The following SORL1 variants were observed in gnomAD, a reference collection of about 807,000 sequenced individuals.
SORL1 encodes the protein sortilin-related receptor.
SORL1 carries 127 observed loss-of-function variants against 273.7 expected under a neutral mutation model. The observed-to-expected ratio is 0.46, with a 90% CI of 0.40 to 0.54. The LOEUF (loss-of-function observed/expected upper bound fraction) is 0.54, where lower values mean the gene tolerates loss of function less well. Among genes scored for constraint, SORL1 ranks in the 20% least tolerant of loss-of-function variants. The pLI is 0.00. For missense variants in SORL1, 2,494 were observed against 2,846.1 expected, an observed-to-expected ratio of 0.88 and a Z score of 2.81; for synonymous variants, 1,031 against 1,067.4, an observed-to-expected ratio of 0.97 and a Z score of 0.66.
At chr11:121,585,207 G>A (rs1424700198) in intron 26 of SORL1, among the ~76,000 whole-genome samples, 1 of 152,176 alleles carries the variant, frequency 6.6e-6, no homozygotes, top group Non-Finnish European at 1.5e-5. Context: ...ACTTAGATCA[G>A]GTATGGTGGC....
intron 1 of SORL1, among the ~76,000 whole-genome samples, chr11:121,467,869 A>G (rs1861107711): frequency 6.6e-6 from 1 of 152,182 alleles, no homozygotes; most frequent in Non-Finnish European, 1.5e-5. Flanking sequence ...GGGAATGAGG[A>G]GAGACATTTT....
intron 20 of SORL1, among the ~76,000 whole-genome samples, 194 bp from the exon 21 acceptor site, chr11:121,559,325 A>T (rs1229569265): frequency 6.6e-6 from 1 of 152,132 alleles, no homozygotes; most frequent in Non-Finnish European, 1.5e-5. Context: ...TCTTTTGGGC[A>T]GTTTCTTCTG....
intron 5 of SORL1, among the ~76,000 whole-genome samples, chr11:121,491,812 G>A (rs1490675325): frequency 6.6e-6 from 1 of 152,156 alleles, no homozygotes; most frequent in African/African-American, 2.4e-5. Context: ...GTCAGTTTGA[G>A]TCTATTCAAA....
intron 6 of SORL1, among the ~76,000 whole-genome samples, chr11:121,506,293 T>G (rs554309716): frequency 6.6e-6 from 1 of 152,298 alleles, no homozygotes; most frequent in Admixed American, 6.5e-5. Flanking sequence ...CATGGTGTAT[T>G]AGTCCGTTTT....
At chr11:121,570,696 G>T (rs1199351448) in intron 23 of SORL1, among the ~76,000 whole-genome samples, 2 of 152,146 alleles carry the variant, frequency 1.3e-5, no homozygotes, top group Non-Finnish European at 2.9e-5. Context: ...TACTCCAGTT[G>T]GTTGATGTTG....
rs762107930 is a variant in SORL1, at chr11:121,606,873, G to A, written c.4977G>A (p.Leu1659=). 3 of 1,614,096 alleles carry A rather than the reference G, an allele frequency of 1.9e-6. No individual in the cohort carries two copies. The highest frequency in any genetic ancestry group is 1.3e-5 in the African/African-American group (1 of 75,022). ...GLPDAPRNLQ[L]SLPREAEGVI... ...CAGATGCCCCTCGAAATCTCCAGCT[G>A]TCACTCCCCAGGGAAGCAGAAGGTG... Residue 1659 remains leucine (L), a synonymous_variant, in exon 36 of 48, where the codon CTG becomes CTA. Transcript: ENST00000260197.
intron 45 of SORL1, 77 bp from the exon 46 acceptor site, chr11:121,625,008 A>G (rs1863774176): frequency 4.6e-6 from 5 of 1,095,042 alleles, no homozygotes; most frequent in African/African-American, 1.6e-5. Context: ...AGGAGCTCAC[A>G]TAAAGATGGA....
At chr11:121,577,504 G>T in intron 25 of SORL1, 104 bp downstream of exon 25, 1 of 1,285,542 alleles carries the variant, frequency 7.8e-7, no homozygotes. Context: ...AATTAGCTTG[G>T]ACCTTAGAAA....
chr11:121,544,974 T>C (rs1862403576), intron 13 of SORL1, among the ~76,000 whole-genome samples: 1 of 152,260 alleles, frequency 6.6e-6, no homozygotes, highest in Non-Finnish European at 1.5e-5. Flanking sequence ...CACTGCTGAC[T>C]CTTCTGTAAT....
At chr11:121,612,021 A>C (rs926587627) in intron 39 of SORL1, 1 of 152,542 alleles carries the variant, frequency 6.6e-6, no homozygotes, top group South Asian at 2.1e-4. Flanking sequence ...CATGCCTGTA[A>C]TCCCAGCTAC....
chr11:121,604,490 C>G (rs559718165), intron 33 of SORL1, among the ~76,000 whole-genome samples, 166 bp downstream of exon 33: 1 of 152,166 alleles, frequency 6.6e-6, no homozygotes, highest in South Asian at 2.1e-4. Flanking sequence ...TGAGGTGAGC[C>G]TTGGCCAGAC....
intron 25 of SORL1, 124 bp from the exon 26 acceptor site, chr11:121,583,334 G>C: frequency 1.7e-6 from 2 of 1,149,364 alleles, no homozygotes; most frequent in Non-Finnish European, 2.3e-6. Flanking sequence ...GAGAAACCCA[G>C]ATGCTCCCAC....
Position 121,480,323 on chromosome 11 carries a change from GA to G in SORL1, c.528+2087del, listed in dbSNP as rs542269433. Among the ~76,000 whole-genome samples, 69 of 152,012 alleles carry G rather than the reference GA, an allele frequency of 4.5e-4. 1 individual carries two copies. In the South Asian group the frequency reaches 6.0e-3, roughly 13 times the overall value. On this transcript the variant is annotated intron_variant, in intron 3 of 47. Coordinates refer to ENST00000260197, the MANE Select transcript of SORL1 (RefSeq NM_003105.6). ...TATGTCTATTTAAATAATTAAATTTGAAAAAAACTAATCAAATATTATCATA... is the reference window on the plus strand; with the variant it reads ...TATGTCTATTTAAATAATTAAATTTGAAAAAACTAATCAAATATTATCATA...
chr11:121,477,601 T>C (rs1861293912), intron 2 of SORL1, among the ~76,000 whole-genome samples: 1 of 152,230 alleles, frequency 6.6e-6, no homozygotes, highest in Non-Finnish European at 1.5e-5. Context: ...GGTCCCATGC[T>C]TTCTGCCCCC....
At position 121,625,243 on chromosome 11, in the gene SORL1, G is replaced by A. The variant is rs1262244379; in HGVS notation, c.6330G>A (p.Glu2110=). Residue 2110 remains glutamate, a synonymous_variant, in exon 46 of 48, where the codon GAG becomes GAA. Transcript: ENST00000260197. The part of the protein sequence containing the change: ...RCLFGNQICG[E]PAILLYDELG... The stretch of plus-strand genomic sequence containing the variant: ...TTTTTGGCAACCAGATCTGTGGGGA[G>A]CCTGCCATCCTGCTGTACGATGAGC... 6.2e-7 allele frequency: 1 copy of A among 1,613,932 alleles called. No homozygotes were observed. The highest frequency in any genetic ancestry group is 8.5e-7 in the Non-Finnish European group (1 of 1,179,922).
chr11:121,585,297 A>G (rs897644545), intron 26 of SORL1, among the ~76,000 whole-genome samples: 9 of 152,084 alleles, frequency 5.9e-5, no homozygotes, highest in African/African-American at 1.4e-4. Flanking sequence ...CAGCCTGGGC[A>G]ACATAGCAAG....
intron 25 of SORL1, among the ~76,000 whole-genome samples, chr11:121,578,609 T>C (rs994198244): frequency 1.3e-5 from 2 of 152,220 alleles, no homozygotes; most frequent in Admixed American, 6.5e-5. Flanking sequence ...CAGCACATAA[T>C]AGAGTATGTG....
intron 6 of SORL1, 42 bp downstream of exon 6, chr11:121,497,091 C>G (rs2134823818): frequency 1.3e-6 from 2 of 1,560,150 alleles, no homozygotes; most frequent in African/African-American, 1.4e-5. Flanking sequence ...TTTGAGTTTC[C>G]TTTGTGAAGT....
At chr11:121,474,110 A>G (rs1424529143) in intron 2 of SORL1, among the ~76,000 whole-genome samples, 2 of 152,182 alleles carry the variant, frequency 1.3e-5, no homozygotes, top group Non-Finnish European at 2.9e-5. Flanking sequence ...CGGATGTGCC[A>G]TTCATTAGCA....
Sources: gnomAD v4.1 joint callset for allele counts (sites outside exome capture counted in the v4.1 genomes callset) on GRCh38, gnomAD v4.1.1 for gene constraint, MANE v1.5 for transcripts, NCBI Gene and HGNC (gene_info 2026-07-23, HGNC 2026-07-21) for gene names.